The following RALGPS1 variants were observed in gnomAD, a reference collection of about 807,000 sequenced individuals.
RALGPS1 encodes ras-specific guanine nucleotide-releasing factor RalGPS1.
RALGPS1 carries 19 observed loss-of-function variants against 78.8 expected under a neutral mutation model. The ratio of observed to expected loss-of-function variants is 0.24; its 90% CI spans 0.17 to 0.35. RALGPS1 has a LOEUF of 0.35. Among genes scored for constraint, RALGPS1 ranks in the 10% least tolerant of loss-of-function variants. The pLI is 1.00. For missense variants in RALGPS1, 454 were observed against 688.3 expected, an observed-to-expected ratio of 0.66 and a Z score of 3.81; for synonymous variants, 228 against 256.3, an observed-to-expected ratio of 0.89 and a Z score of 1.06.
chr9:126,922,712 A>G (rs2034890646), intron 1 of RALGPS1, among the ~76,000 whole-genome samples: 1 of 152,088 alleles, frequency 6.6e-6, no homozygotes. Context: ...ATATAGTACA[A>G]TTGTGCCCAC....
At chr9:126,991,307 A>G (rs1214888225) in intron 4 of RALGPS1, among the ~76,000 whole-genome samples, 1 of 152,146 alleles carries the variant, frequency 6.6e-6, no homozygotes, top group African/African-American at 2.4e-5. Flanking sequence ...GGGAGAGGCT[A>G]CTGGGGCAGG....
At chr9:126,960,219 C>CACTT (rs1554765761) in intron 1 of RALGPS1, among the ~76,000 whole-genome samples, 1 of 85,754 alleles carries the variant, frequency 1.2e-5, no homozygotes, top group Non-Finnish European at 2.2e-5. Flanking sequence ...CTCCCTCCCT[C>CACTT]CCTTCCTTCC....
At chr9:127,093,231 C>G (rs1170050129) in intron 8 of RALGPS1, among the ~76,000 whole-genome samples, 2 of 152,158 alleles carry the variant, frequency 1.3e-5, no homozygotes, top group African/African-American at 2.4e-5. Context: ...TTTCAACTCC[C>G]TGGGAACCAG....
intron 7 of RALGPS1, among the ~76,000 whole-genome samples, chr9:127,058,412 A>G (rs895641316): frequency 3.2e-4 from 49 of 152,294 alleles, no homozygotes; most frequent in Middle Eastern, 3.4e-3. Flanking sequence ...ATGGGGACCA[A>G]GAGTGGAAAC....
At chr9:127,047,737 A>C (rs1488635402) in intron 5 of RALGPS1, among the ~76,000 whole-genome samples, 6 of 151,282 alleles carry the variant, frequency 4.0e-5, no homozygotes, top group Non-Finnish European at 5.9e-5. Flanking sequence ...AGAAGGATGC[A>C]TACCACAGTG....
chr9:127,168,418 A>G (rs2059397820), intron 9 of RALGPS1, among the ~76,000 whole-genome samples: 1 of 152,164 alleles, frequency 6.6e-6, no homozygotes, highest in South Asian at 2.1e-4. Flanking sequence ...TCCTGGCTAA[A>G]AAAACATGGT....
rs1171643518 is a variant in RALGPS1, at chr9:126,997,184, G to A, written c.216+19439G>A. Among the ~76,000 whole-genome samples, 7 of 152,164 alleles carry A rather than the reference G, an allele frequency of 4.6e-5. No homozygotes were observed. In the South Asian group the frequency reaches 8.3e-4, roughly 18 times the overall value. ...CATAGTGTTGGAAGTTCTAGCCAGG[G>A]CATTGAGGCAGGAGAAGGAAATAAA... On this transcript the variant is annotated intron_variant, in intron 4 of 18. Coordinates refer to ENST00000259351, the MANE Select transcript of RALGPS1 (RefSeq NM_014636.3).
intron 4 of RALGPS1, among the ~76,000 whole-genome samples, chr9:127,014,169 G>A (rs369016130): frequency 6.6e-6 from 1 of 152,336 alleles, no homozygotes; most frequent in African/African-American, 2.4e-5. Flanking sequence ...CACTGCCATG[G>A]TCTTGCTTCC....
chr9:127,201,091 A>G (rs1328609711), intron 14 of RALGPS1, among the ~76,000 whole-genome samples: 1 of 152,208 alleles, frequency 6.6e-6, no homozygotes. Context: ...GTGAGAAAGA[A>G]TTCCTTGTCC....
At chr9:127,130,038 G>A (rs1046930796) in intron 8 of RALGPS1, among the ~76,000 whole-genome samples, 78 of 152,334 alleles carry the variant, frequency 5.1e-4, no homozygotes, top group African/African-American at 1.9e-3. Flanking sequence ...CACAGGAAGT[G>A]AGAAGATAGG....
At chr9:127,086,035 C>T (rs556999769) in intron 8 of RALGPS1, among the ~76,000 whole-genome samples, 3 of 152,186 alleles carry the variant, frequency 2.0e-5, no homozygotes, top group Non-Finnish European at 4.4e-5. Context: ...CTTCAAGCCT[C>T]ATTTCCGCCT....
chr9:127,072,450 A>G (rs1365673248), intron 8 of RALGPS1, among the ~76,000 whole-genome samples: 2 of 152,176 alleles, frequency 1.3e-5, no homozygotes, highest in African/African-American at 4.8e-5. Flanking sequence ...CCTGAGCTCA[A>G]GCAATCTGCC....
intron 4 of RALGPS1, among the ~76,000 whole-genome samples, chr9:126,982,929 T>TTCTTC (rs1491241207): frequency 7.6e-5 from 2 of 26,232 alleles, no homozygotes; most frequent in African/African-American, 1.5e-4. Context: ...CTTCTTCTTC[T>TTCTTC]TTTTTTTTTT....
At position 127,168,791 on chromosome 9, in the gene RALGPS1, C is replaced by G. The variant is rs1337259945; in HGVS notation, c.842+19C>G. On this transcript the variant is annotated intron_variant, in intron 10 of 18. Coordinates refer to ENST00000259351, the MANE Select transcript of RALGPS1 (RefSeq NM_014636.3). ...ACTACAAGTAAGTCCCCACGTATTC[C>G]TGTGTCAGGCCTCCCAGCCCCACTT... 1.9e-6 allele frequency: 3 copies of G among 1,576,548 alleles called. No homozygotes were observed. Among genetic ancestry groups the G allele is most frequent in the Non-Finnish European group, 2.6e-6 (3 of 1,146,036 alleles).
At chr9:126,989,656 G>C (rs1363660613) in intron 4 of RALGPS1, among the ~76,000 whole-genome samples, 1 of 152,210 alleles carries the variant, frequency 6.6e-6, no homozygotes, top group Non-Finnish European at 1.5e-5. Context: ...GAGGGAACCT[G>C]CTAAGTTCCT....
intron 5 of RALGPS1, 37 bp downstream of exon 5, chr9:127,034,551 C>A: frequency 6.4e-7 from 1 of 1,566,284 alleles, no homozygotes; most frequent in Non-Finnish European, 8.8e-7. Context: ...ATCCAGAGAG[C>A]AATCTGCTGC....
chr9:127,158,147 C>G (rs1286156313), intron 8 of RALGPS1, among the ~76,000 whole-genome samples: 2 of 152,000 alleles, frequency 1.3e-5, no homozygotes, highest in Non-Finnish European at 2.9e-5. Context: ...TTTTCCTGTT[C>G]TGGAACAGTT....
In RALGPS1 at chr9:126,993,863, G is replaced by A. The variant is rs58749437; in HGVS notation, c.216+16118G>A. On this transcript the variant is annotated intron_variant, in intron 4 of 18. Coordinates refer to ENST00000259351, the MANE Select transcript of RALGPS1 (RefSeq NM_014636.3). ...GGAACGATCAGGCAGCAGCATTTGC[G>A]GTTCACCAGTATCTGCTGTTCTGCA... is the stretch of plus-strand genomic sequence containing the variant. Among the ~76,000 whole-genome samples, 965 of 152,254 alleles carry A rather than the reference G, an allele frequency of 6.3e-3. 8 individuals are homozygous for A. The highest frequency in any genetic ancestry group is 0.022 in the African/African-American group (911 of 41,542).
In RALGPS1 at chr9:127,138,317, A is replaced by T. The variant is rs142385232; in HGVS notation, c.611-27752A>T. On this transcript the variant is annotated intron_variant, in intron 8 of 18. Coordinates refer to ENST00000259351, the MANE Select transcript of RALGPS1 (RefSeq NM_014636.3). ...GCAATTTGTCCGTGGCTGCATTGTC[A>T]GTAAGGAAGAGCTGGGAAGAGAGGC... is the stretch of plus-strand genomic sequence containing the variant. Among the ~76,000 whole-genome samples the T allele has an allele frequency of 2.8e-4, 42 of 152,306 alleles. 1 individual carries two copies. In the East Asian group the frequency reaches 5.6e-3, roughly 20 times the overall value.
Sources: allele counts gnomAD v4.1 joint callset (sites outside exome capture counted in the v4.1 genomes callset), GRCh38; gene constraint gnomAD v4.1.1; transcripts MANE v1.5; gene names NCBI Gene and HGNC (gene_info 2026-07-23, HGNC 2026-07-21).